NAA11: variants seen among roughly 807,000 people sequenced by gnomAD.
NAA11 encodes N-alpha-acetyltransferase 11, NatA catalytic subunit.
In NAA11, 15 loss-of-function variants were observed where a neutral mutation model predicts 16.1. The observed-to-expected ratio is 0.93, with a 90% CI of 0.62 to 1.44. NAA11 has a LOEUF of 1.44. Ranked by LOEUF, NAA11 falls within the 40% of genes most tolerant of loss-of-function variation. The pLI, the probability that NAA11 is intolerant of heterozygous loss-of-function variation, is 0.00. For synonymous variants in NAA11, 122 were observed against 112.4 expected (o/e 1.09, Z -0.54); for missense variants, 298 against 291.3 (o/e 1.02, Z -0.17).
At chr4:79,302,644 CAT>C (rs1303090480) in intron 1 of NAA11, among the ~76,000 whole-genome samples, 1 of 152,006 alleles carries the variant, frequency 6.6e-6, no homozygotes, top group Non-Finnish European at 1.5e-5. Context: ...TGTATATTCA[CAT>C]ATATTTCATA....
chr4:79,199,133 T>C, the NAA11 span, among the ~76,000 whole-genome samples: 1 of 151,782 alleles, frequency 6.6e-6, no homozygotes, highest in South Asian at 2.1e-4. Flanking sequence ...AAGAAACAGA[T>C]GGTTAAAAAG....
chr4:79,194,009 A>C, the NAA11 span, among the ~76,000 whole-genome samples: 1 of 152,154 alleles, frequency 6.6e-6, no homozygotes, highest in Admixed American at 6.5e-5. Context: ...GCCTTCACTC[A>C]TGATTTGGCT....
the NAA11 span, among the ~76,000 whole-genome samples, chr4:79,160,890 G>GA: frequency 2.6e-5 from 4 of 151,612 alleles, no homozygotes; most frequent in African/African-American, 9.7e-5. Context: ...TCCAGAATAG[G>GA]AAAAAAACAC....
chr4:79,209,284 A>T, the NAA11 span, among the ~76,000 whole-genome samples: 112 of 152,328 alleles, frequency 7.4e-4, 2 homozygotes, highest in Non-Finnish European at 4.1e-4. Context: ...TGTGTTAGTG[A>T]GATGAATAAT....
intron 2 of NAA11, among the ~76,000 whole-genome samples, chr4:79,286,995 C>T (rs1165971464): frequency 1.3e-5 from 2 of 151,984 alleles, no homozygotes; most frequent in Non-Finnish European, 2.9e-5. Flanking sequence ...ACCAAAGTAG[C>T]GCACTCTCCT....
At chr4:79,175,940 A>T in the NAA11 span, among the ~76,000 whole-genome samples, 1 of 152,254 alleles carries the variant, frequency 6.6e-6, no homozygotes, top group East Asian at 1.9e-4. Context: ...CCTTAATTCC[A>T]GCTGCTCTTG....
At chr4:79,197,036 T>C in the NAA11 span, among the ~76,000 whole-genome samples, 3 of 147,656 alleles carry the variant, frequency 2.0e-5, no homozygotes, top group East Asian at 2.0e-4. Flanking sequence ...AAAAGGTATA[T>C]AGTCCTGCTA....
At chr4:79,255,112 A>C (rs1722078359) in intron 2 of NAA11, among the ~76,000 whole-genome samples, 2 of 152,208 alleles carry the variant, frequency 1.3e-5, no homozygotes, top group Admixed American at 6.5e-5. Context: ...TTTCAAAGAC[A>C]GGGAAAACTG....
At chr4:79,202,623 T>TTATATATATATATATATATATATATA in the NAA11 span, among the ~76,000 whole-genome samples, 1,598 of 52,320 alleles carry the variant, frequency 0.031, 234 homozygotes, top group East Asian at 0.045. Context: ...ATATATAGTT[T>TTATATATATATATATATATATATATA]TATATATATA....
the NAA11 span, among the ~76,000 whole-genome samples, chr4:79,188,237 T>C: frequency 2.0e-5 from 3 of 152,082 alleles, no homozygotes; most frequent in Admixed American, 6.5e-5. Context: ...ACGATGAAAA[T>C]TAATTTTATC....
At chr4:79,165,530 G>T in the NAA11 span, among the ~76,000 whole-genome samples, 1 of 152,226 alleles carries the variant, frequency 6.6e-6, no homozygotes, top group Non-Finnish European at 1.5e-5. Flanking sequence ...ATATGCTGGA[G>T]TGCTTCTCCA....
At chr4:79,289,384 C>CA (rs1723026218) in intron 2 of NAA11, among the ~76,000 whole-genome samples, 1 of 152,134 alleles carries the variant, frequency 6.6e-6, no homozygotes, top group Admixed American at 6.5e-5. Flanking sequence ...GTCTTAAGGC[C>CA]AAAGTTAGCA....
At chr4:79,276,253 C>T (rs578246434) in intron 2 of NAA11, among the ~76,000 whole-genome samples, 7 of 152,164 alleles carry the variant, frequency 4.6e-5, no homozygotes, top group African/African-American at 9.6e-5. Flanking sequence ...AAAATGCAAA[C>T]GCTGCCCATA....
At chr4:79,158,041 C>G in the NAA11 span, among the ~76,000 whole-genome samples, 4 of 151,780 alleles carry the variant, frequency 2.6e-5, no homozygotes, top group South Asian at 8.3e-4. Context: ...GCTGGGACTA[C>G]AGGTGCTCGC....
the NAA11 span, among the ~76,000 whole-genome samples, chr4:79,202,598 G>C: frequency 1.7e-5 from 1 of 58,816 alleles, no homozygotes; most frequent in East Asian, 8.8e-4. Flanking sequence ...TATATATATA[G>C]TTTTATATAC....
intron 2 of NAA11, among the ~76,000 whole-genome samples, chr4:79,256,762 T>C (rs1722122377): frequency 6.6e-6 from 1 of 150,886 alleles, no homozygotes; most frequent in Admixed American, 6.6e-5. Flanking sequence ...AAGCAATTCT[T>C]ATGCCTCAGC....
At chr4:79,309,687 C>G (rs1383422490) in intron 1 of NAA11, among the ~76,000 whole-genome samples, 1 of 103,470 alleles carries the variant, frequency 9.7e-6, no homozygotes, top group African/African-American at 3.5e-5. Flanking sequence ...GAAAAGAATT[C>G]TTATTCTATT....
chr4:79,189,145 C>CAAAAAATAAAAAAAAA, the NAA11 span, among the ~76,000 whole-genome samples: 1 of 42,282 alleles, frequency 2.4e-5, no homozygotes, highest in African/African-American at 6.7e-5. Flanking sequence ...GACTCCATCT[C>CAAAAAATAAAAAAAAA]AAAAAAAAAA....
the NAA11 span, among the ~76,000 whole-genome samples, chr4:79,186,917 G>C: frequency 6.6e-5 from 10 of 152,134 alleles, no homozygotes; most frequent in African/African-American, 2.4e-4. Context: ...TTATATACTT[G>C]AGTAACTCAC....
Sources: allele counts gnomAD v4.1 joint callset (sites outside exome capture counted in the v4.1 genomes callset), GRCh38; gene constraint gnomAD v4.1.1; transcripts MANE v1.5; gene names NCBI Gene and HGNC (gene_info 2026-07-23, HGNC 2026-07-21).